Variants in DLG2 observed in about 807,000 individuals in gnomAD.
DLG2 encodes discs large MAGUK scaffold protein 2.
Under a neutral mutation model 132.5 loss-of-function variants are expected in DLG2, and 45 were observed. The ratio of observed to expected loss-of-function variants is 0.34; its 90% confidence interval spans 0.27 to 0.44. The LOEUF is 0.44. Among genes scored for constraint, DLG2 ranks in the 20% least tolerant of loss-of-function variants. DLG2 has a pLI of 1.00. For synonymous variants in DLG2, 424 were observed against 419.6 expected, an observed-to-expected ratio of 1.01 and a Z score of -0.13; for missense variants, 1,045 against 1,196.9, an observed-to-expected ratio of 0.87 and a Z score of 1.87.
intron 6 of DLG2, among the ~76,000 whole-genome samples, chr11:84,667,787 C>G (rs2099701457): frequency 6.6e-6 from 1 of 151,968 alleles, no homozygotes; most frequent in African/African-American, 2.4e-5. Flanking sequence ...GTGTAAGCCA[C>G]CACACCTGGC....
At chr11:84,520,588 C>G (rs1043337971) in intron 7 of DLG2, among the ~76,000 whole-genome samples, 2 of 152,188 alleles carry the variant, frequency 1.3e-5, no homozygotes, top group Admixed American at 1.3e-4. Flanking sequence ...TCTGCGCCCC[C>G]ACCCACCACC....
chr11:84,983,987 G>A (rs943741762), intron 6 of DLG2, among the ~76,000 whole-genome samples: 2 of 152,080 alleles, frequency 1.3e-5, no homozygotes, highest in African/African-American at 4.8e-5. Flanking sequence ...AAGAAGTCTA[G>A]GATTATGTTA....
intron 3 of DLG2, among the ~76,000 whole-genome samples, chr11:85,518,318 A>G (rs545198253): frequency 6.6e-6 from 1 of 152,298 alleles, no homozygotes; most frequent in Admixed American, 6.5e-5. Flanking sequence ...TATAGACAAT[A>G]AGGTCCAGGC....
intron 18 of DLG2, among the ~76,000 whole-genome samples, chr11:83,774,328 G>A (rs1012507207): frequency 2.6e-5 from 4 of 152,130 alleles, no homozygotes; most frequent in Non-Finnish European, 4.4e-5. Context: ...TGATAATTAT[G>A]ATAATAACGA....
At chr11:84,500,643 T>C (rs1425322625) in intron 7 of DLG2, among the ~76,000 whole-genome samples, 1 of 152,144 alleles carries the variant, frequency 6.6e-6, no homozygotes, top group Non-Finnish European at 1.5e-5. Flanking sequence ...ATTTCAGAGC[T>C]CCAGAGCATC....
At chr11:83,824,847 G>A (rs978149646) in intron 17 of DLG2, among the ~76,000 whole-genome samples, 1 of 151,986 alleles carries the variant, frequency 6.6e-6, no homozygotes, top group Non-Finnish European at 1.5e-5. Context: ...TGAGTCAGGT[G>A]TTACAAGTCT....
chr11:83,784,043 A>G (rs2094941133), intron 18 of DLG2, among the ~76,000 whole-genome samples: 1 of 152,230 alleles, frequency 6.6e-6, no homozygotes, highest in Non-Finnish European at 1.5e-5. Flanking sequence ...AGATACATTT[A>G]GGAAATTTTT....
intron 8 of DLG2, among the ~76,000 whole-genome samples, chr11:84,173,775 T>C (rs1341537518): frequency 6.6e-6 from 1 of 152,098 alleles, no homozygotes; most frequent in East Asian, 1.9e-4. Context: ...AATACAATGA[T>C]CTTTCCCAGT....
intron 3 of DLG2, among the ~76,000 whole-genome samples, chr11:85,349,805 C>G (rs1252825364): frequency 1.3e-4 from 20 of 152,138 alleles, no homozygotes; most frequent in Admixed American, 1.1e-3. Flanking sequence ...TCAATCCAGT[C>G]TGTCACTGAT....
chr11:84,847,574 C>A (rs1449995854), intron 6 of DLG2, among the ~76,000 whole-genome samples: 1 of 152,014 alleles, frequency 6.6e-6, no homozygotes, highest in Non-Finnish European at 1.5e-5. Context: ...AGAAGAAAAC[C>A]ATTTCTTCTT....
intron 4 of DLG2, among the ~76,000 whole-genome samples, chr11:85,214,402 TA>T (rs992499937): frequency 6.6e-6 from 1 of 152,124 alleles, no homozygotes; most frequent in Non-Finnish European, 1.5e-5. Flanking sequence ...CTCAACTAAA[TA>T]AAGAATACAG....
intron 4 of DLG2, among the ~76,000 whole-genome samples, chr11:85,262,881 CTA>C (rs2077017158): frequency 6.6e-6 from 1 of 152,218 alleles, no homozygotes; most frequent in East Asian, 1.9e-4. Flanking sequence ...AACAGCCATG[CTA>C]TGTTACATGA....
intron 5 of DLG2, among the ~76,000 whole-genome samples, chr11:85,153,882 A>G (rs777496652): frequency 2.0e-5 from 3 of 152,318 alleles, no homozygotes; most frequent in East Asian, 1.9e-4. Flanking sequence ...GGAAGCTTTT[A>G]GCATTTAAGC....
chr11:85,475,550 G>A (rs1238188166), intron 3 of DLG2, among the ~76,000 whole-genome samples: 1 of 151,998 alleles, frequency 6.6e-6, no homozygotes, highest in African/African-American at 2.4e-5. Flanking sequence ...CTCTATTGCT[G>A]TAATTTTTCC....
chr11:83,741,822 C>G (rs1280959129), intron 18 of DLG2, among the ~76,000 whole-genome samples: 1 of 151,844 alleles, frequency 6.6e-6, no homozygotes, highest in Non-Finnish European at 1.5e-5. Flanking sequence ...TCCTGGTTAA[C>G]TTGGTGAAAC....
intron 3 of DLG2, among the ~76,000 whole-genome samples, chr11:85,368,393 T>C (rs1261706551): frequency 6.6e-6 from 1 of 152,222 alleles, no homozygotes; most frequent in Admixed American, 6.5e-5. Flanking sequence ...TGTTCAGGTC[T>C]AAATCTTTGA....
At chr11:84,201,286 G>A (rs191900426) in intron 8 of DLG2, among the ~76,000 whole-genome samples, 2 of 152,242 alleles carry the variant, frequency 1.3e-5, no homozygotes, top group East Asian at 3.9e-4. Context: ...TTTACCCCAG[G>A]GATGAAGCCT....
chr11:83,585,925 G>C (rs1328836793), intron 19 of DLG2, among the ~76,000 whole-genome samples: 3 of 152,192 alleles, frequency 2.0e-5, no homozygotes, highest in Admixed American at 2.0e-4. Context: ...GAAGAAAAAA[G>C]AGAAGAGATA....
intron 6 of DLG2, among the ~76,000 whole-genome samples, chr11:84,832,830 T>A (rs932770444): frequency 2.0e-5 from 3 of 151,548 alleles, no homozygotes; most frequent in African/African-American, 7.3e-5. Flanking sequence ...CGCCCCCAGT[T>A]TGGATTATAT....
Sources: gnomAD v4.1 joint callset for allele counts (sites outside exome capture counted in the v4.1 genomes callset) on GRCh38, gnomAD v4.1.1 for gene constraint, MANE v1.5 for transcripts, NCBI Gene and HGNC (gene_info 2026-07-23, HGNC 2026-07-21) for gene names.